Variants in SVEP1 observed in about 807,000 individuals in gnomAD.
SVEP1 encodes sushi, von Willebrand factor type A, EGF and pentraxin domain containing 1, also known as sushi, von Willebrand factor type A, EGF and pentraxin domain-containing protein 1.
Under a neutral mutation model 367.3 loss-of-function variants are expected in SVEP1, and 164 were observed. The observed-to-expected ratio is 0.45, with a 90% CI of 0.39 to 0.51. The LOEUF (loss-of-function observed/expected upper bound fraction) is 0.51. Ranked by LOEUF, SVEP1 falls within the 20% of genes least tolerant of loss-of-function variation. The pLI, the probability that SVEP1 is intolerant of heterozygous loss-of-function variation, is 0.00. For missense variants in SVEP1, 4,117 were observed against 4,425.3 expected, an observed-to-expected ratio of 0.93 and a Z score of 1.98; for synonymous variants, 1,666 against 1,611.6, an observed-to-expected ratio of 1.03 and a Z score of -0.81.
At chr9:110,558,099 T>C (rs1830377016) in intron 1 of SVEP1, among the ~76,000 whole-genome samples, 1 of 151,962 alleles carries the variant, frequency 6.6e-6, no homozygotes, top group Non-Finnish European at 1.5e-5. Context: ...CATCCCAGGA[T>C]GAAAAAACAC....
chr9:110,511,487 C>CTTTTTTTTTT (rs1564163441), intron 5 of SVEP1, among the ~76,000 whole-genome samples: 1 of 69,538 alleles, frequency 1.4e-5, no homozygotes, highest in East Asian at 3.3e-4. Flanking sequence ...TGTGTCAGTA[C>CTTTTTTTTTT]CTTTTTTTTT....
chr9:110,454,653 T>G (rs998260062), intron 22 of SVEP1, among the ~76,000 whole-genome samples: 1 of 152,220 alleles, frequency 6.6e-6, no homozygotes, highest in Non-Finnish European at 1.5e-5. Context: ...ATCATGTCGT[T>G]TGCAGCAACA....
At chr9:110,465,397 G>A (rs1053922067) in intron 18 of SVEP1, among the ~76,000 whole-genome samples, 1 of 152,130 alleles carries the variant, frequency 6.6e-6, no homozygotes, top group Non-Finnish European at 1.5e-5. Flanking sequence ...AAATACTCAT[G>A]TAAATGTGAA....
chr9:110,448,152 CGT>C (rs369931491), intron 24 of SVEP1, among the ~76,000 whole-genome samples: 25 of 138,864 alleles, frequency 1.8e-4, no homozygotes, highest in African/African-American at 5.1e-4. Context: ...TGTGTGTGCG[CGT>C]GTGTGTGTGC....
rs547914862 is a variant in SVEP1, at chr9:110,518,529, G to A, written c.965-4423C>T. Among the ~76,000 whole-genome samples, 24 of 151,896 alleles carry A rather than the reference G, an allele frequency of 1.6e-4. No homozygotes were observed. The South Asian group carries it at 2.5e-3, about 16-fold the overall frequency. The stretch of plus-strand genomic sequence containing the variant: ...CCATCTTGCTCTTTAACCAGGCTGC[G>A]CTCAAACTCTCAAACCTCCCACCTC... On this transcript the variant is annotated intron_variant, in intron 3 of 47. Coordinates refer to ENST00000374469, the MANE Select transcript of SVEP1 (RefSeq NM_153366.4).
intron 5 of SVEP1, among the ~76,000 whole-genome samples, chr9:110,511,855 C>A (rs936764089): frequency 2.0e-5 from 3 of 152,058 alleles, no homozygotes; most frequent in Admixed American, 6.6e-5. Flanking sequence ...GACCAGAAGA[C>A]AGAACTAATC....
chr9:110,458,964 TGATG>T lies in SVEP1; in HGVS notation c.3468_3471del (p.Ile1157GlnfsTer69). ...AAGTTCATCTTACTTGAACATTCTG[TGATG>T]GATCTGGAACCAGCGAATGGGGTAG... On this transcript the variant is annotated frameshift_variant, in exon 19 of 48. Transcript: ENST00000374469. LOFTEE classifies it high-confidence loss of function. The T allele has an allele frequency of 6.2e-7, 1 of 1,613,018 alleles. No homozygotes were observed. The highest frequency in any genetic ancestry group is 8.5e-7 in the Non-Finnish European group (1 of 1,179,294).
chr9:110,400,745 G>A (rs1162637819), intron 40 of SVEP1, 109 bp downstream of exon 40: 13 of 1,176,710 alleles, frequency 1.1e-5, no homozygotes, highest in Non-Finnish European at 1.5e-5. Context: ...AAGTATAATA[G>A]AATCTTTTGA....
At chr9:110,386,480 ACTTT>A (rs1375318966) in intron 42 of SVEP1, among the ~76,000 whole-genome samples, 1 of 150,130 alleles carries the variant, frequency 6.7e-6, no homozygotes, top group Non-Finnish European at 1.5e-5. Flanking sequence ...TTGTCACCTT[ACTTT>A]CTTTTATTGA....
intron 5 of SVEP1, among the ~76,000 whole-genome samples, chr9:110,504,552 T>C (rs1476760887): frequency 6.6e-6 from 1 of 152,236 alleles, no homozygotes; most frequent in Non-Finnish European, 1.5e-5. Flanking sequence ...AGTCTGGCTC[T>C]CTGATGACAG....
chr9:110,397,293 A>T (rs2118987378), intron 40 of SVEP1, among the ~76,000 whole-genome samples: 1 of 152,374 alleles, frequency 6.6e-6, no homozygotes, highest in South Asian at 2.1e-4. Flanking sequence ...AAATTCAACA[A>T]CACTTCATGC....
chr9:110,549,108 T>C (rs926786192), intron 2 of SVEP1, among the ~76,000 whole-genome samples: 1 of 152,204 alleles, frequency 6.6e-6, no homozygotes, highest in Admixed American at 6.5e-5. Flanking sequence ...TAATTTGCCA[T>C]ATCACTTTAA....
intron 36 of SVEP1, among the ~76,000 whole-genome samples, chr9:110,425,531 G>C (rs533314851): frequency 1.3e-5 from 2 of 152,290 alleles, no homozygotes; most frequent in South Asian, 4.1e-4. Context: ...TATAAAGTGG[G>C]AATAATACTT....
At position 110,530,032 on chromosome 9, in the gene SVEP1, T is replaced by A. The variant is rs146158434; in HGVS notation, c.965-15926A>T. Among the ~76,000 whole-genome samples the A allele has an allele frequency of 2.1e-3, 324 of 152,274 alleles. 1 individual carries two copies. The highest frequency in any genetic ancestry group is 7.2e-3 in the African/African-American group (300 of 41,572). On this transcript the variant is annotated intron_variant, in intron 3 of 47. Coordinates refer to ENST00000374469, the MANE Select transcript of SVEP1 (RefSeq NM_153366.4). ...TTTATATTTTGTGTTATGTTCCTTT[T>A]ATGCCTTGTTTGCTGAGGGTTATTA... is the stretch of plus-strand genomic sequence containing the variant.
At chr9:110,524,338 G>C (rs1829914914) in intron 3 of SVEP1, among the ~76,000 whole-genome samples, 1 of 152,094 alleles carries the variant, frequency 6.6e-6, no homozygotes, top group Non-Finnish European at 1.5e-5. Flanking sequence ...ATACCTAAGT[G>C]AGATGCAGAG....
At chr9:110,447,594 C>G (rs1290026651) in intron 24 of SVEP1, among the ~76,000 whole-genome samples, 7 of 152,142 alleles carry the variant, frequency 4.6e-5, no homozygotes, top group Non-Finnish European at 1.0e-4. Context: ...TTAAACTCAT[C>G]AGAATGGAAA....
At chr9:110,368,880 T>A (rs1465575944) in intron 47 of SVEP1, among the ~76,000 whole-genome samples, 1 of 146,996 alleles carries the variant, frequency 6.8e-6, no homozygotes, top group Non-Finnish European at 1.5e-5. Context: ...TTAGACAGAT[T>A]TTTTTGTTGT....
Position 110,367,019 on chromosome 9 carries a change from TC to T in SVEP1, c.10695-460del, listed in dbSNP as rs575447519. Among the ~76,000 whole-genome samples, 12 of 152,332 alleles carry T rather than the reference TC, an allele frequency of 7.9e-5. No homozygotes were observed. The South Asian group carries it at 2.5e-3, about 32-fold the overall frequency. ...GAAAAGGCCAGGTCAGTCTTATTTA[TC>T]AGTAGAGAAGGTAAACATTGAGGGA... On this transcript the variant is annotated intron_variant, in intron 47 of 47. Coordinates refer to ENST00000374469, the MANE Select transcript of SVEP1 (RefSeq NM_153366.4).
At position 110,411,693 on chromosome 9, in the gene SVEP1, G is replaced by A. The variant is rs373571193; in HGVS notation, c.6018C>T (p.Asp2006=). ...AGLDTIECLA[D]GKWSRSDQQC... is the part of the protein sequence containing the mutation. ...GCTGGTCACTTCTACTCCACTTGCC[G>A]TCGGCCAGGCATTCAATGGTGTCAA... The change falls in exon 37 of 48, where the codon GAC becomes GAT. Residue 2006 remains aspartate (D), a synonymous_variant. Coordinates refer to ENST00000374469, the MANE Select transcript of SVEP1 (RefSeq NM_153366.4). 2.6e-4 allele frequency: 412 copies of A among 1,595,208 alleles called. No homozygotes were observed. The highest frequency in any genetic ancestry group is 9.9e-4 in the Middle Eastern group (6 of 6,062).
Sources: gnomAD v4.1 joint callset for allele counts (sites outside exome capture counted in the v4.1 genomes callset) on GRCh38, gnomAD v4.1.1 for gene constraint, MANE v1.5 for transcripts, NCBI Gene and HGNC (gene_info 2026-07-23, HGNC 2026-07-21) for gene names.